Variants in MUC4 observed in about 807,000 individuals in gnomAD.
MUC4 encodes the protein mucin 4, cell surface associated, also known as mucin-4.
A neutral mutation model predicts 257.9 loss-of-function variants in MUC4; 202 were observed. The observed-to-expected ratio is 0.78, with a 90% CI of 0.70 to 0.88. The LOEUF (loss-of-function observed/expected upper bound fraction) is 0.88, where lower values mean the gene tolerates loss of function less well. MUC4 is among the 40% of genes least tolerant of loss of function. The probability of loss-of-function intolerance (pLI) is 0.00; values close to 1 mark genes in which losing one functional copy is unlikely to be tolerated. For synonymous variants in MUC4, 2,351 were observed against 2,757.1 expected, an observed-to-expected ratio of 0.85 and a Z score of 4.62; for missense variants, 5,976 against 6,513.7, an observed-to-expected ratio of 0.92 and a Z score of 2.84.
intron 16 of MUC4, among the ~76,000 whole-genome samples, chr3:195,760,441 C>T (rs112192190): frequency 0.019 from 2,137 of 111,632 alleles, 96 homozygotes; most frequent in African/African-American, 0.065. Flanking sequence ...GAGGAGCCTG[C>T]GGGGCTGGAG....
At chr3:195,794,053 G>A (rs895591942) in intron 1 of MUC4, among the ~76,000 whole-genome samples, 4 of 150,402 alleles carry the variant, frequency 2.7e-5, no homozygotes, top group African/African-American at 9.8e-5. Flanking sequence ...GACCAGCCTG[G>A]GCAAGATAGC....
rs1209298127 is a variant in MUC4 at position 195,782,184 on chromosome 3, A to C, written c.9396T>G (p.Gly3132=). The change falls in exon 2 of 25, where the codon GGT becomes GGG. Residue 3132 remains glycine, a synonymous_variant. Coordinates refer to ENST00000463781, the MANE Select transcript of MUC4 (RefSeq NM_018406.7). ...TGGTGACAGGAAGAGCGGTGGCCTGACCTGTGGATGCTGAGGAAGTGTCGG... is the reference window on the plus strand; with the variant it reads ...TGGTGACAGGAAGAGCGGTGGCCTGCCCTGTGGATGCTGAGGAAGTGTCGG... The part of the protein sequence containing the change: ...PVTDTSSAST[G]QATALPVTST... 7.2e-7 allele frequency: 1 copy of C among 1,383,024 alleles called. No individual in the cohort carries two copies. The highest frequency in any genetic ancestry group is 1.5e-5 in the African/African-American group (1 of 66,486). The allele number at this position is 1,383,024 out of a possible 1,614,324, so 85.7% of individuals were successfully genotyped here. A position where few individuals can be genotyped will look rare whatever the true frequency, so the allele number is the denominator to read the frequency against.
intron 19 of MUC4, chr3:195,753,961 T>C: frequency 2.5e-6 from 1 of 393,910 alleles, no homozygotes; most frequent in Non-Finnish European, 4.4e-6. Flanking sequence ...CCCCGTCCCC[T>C]CCCCTATGCC....
chr3:195,759,329 T>G (rs1718307048), intron 16 of MUC4, 68 bp from the exon 17 acceptor site: 1 of 1,575,256 alleles, frequency 6.3e-7, no homozygotes, highest in Non-Finnish European at 8.7e-7. Flanking sequence ...CCTCCTCTCT[T>G]TCTCAACTCT....
chr3:195,747,057 G>C lies in MUC4; in HGVS notation c.*119C>G. On this transcript the variant is annotated 3_prime_UTR_variant, in exon 25 of 25. Coordinates refer to ENST00000463781, the MANE Select transcript of MUC4 (RefSeq NM_018406.7). ...TTGATTCCCAGTATTCATTCTCCTT[G>C]AAGAATCCTGACAGCCTTCAGTCAC... The C allele has an allele frequency of 5.2e-6, 7 of 1,349,560 alleles. No homozygotes were observed. Among genetic ancestry groups the C allele is most frequent in the Non-Finnish European group, 6.3e-6 (6 of 959,258 alleles). The allele number at this position is 1,349,560 out of a possible 1,614,324, so 83.6% of individuals were successfully genotyped here. A position where few individuals can be genotyped will look rare whatever the true frequency, so the allele number is the denominator to read the frequency against.
At chr3:195,778,494 G>C (rs1285844735) in intron 2 of MUC4, 39 bp from the exon 3 acceptor site, 3 of 1,602,768 alleles carry the variant, frequency 1.9e-6, no homozygotes, top group Non-Finnish European at 8.5e-7. Flanking sequence ...GTTTCTTACA[G>C]TAACAAAACA....
intron 7 of MUC4, 61 bp downstream of exon 7, chr3:195,768,961 A>G: frequency 6.4e-7 from 1 of 1,567,342 alleles, no homozygotes; most frequent in Admixed American, 1.7e-5. Context: ...GTGTGCAGCG[A>G]AAGCCGACTC....
At chr3:195,793,097 C>T (rs1021480232) in intron 1 of MUC4, among the ~76,000 whole-genome samples, 1 of 150,658 alleles carries the variant, frequency 6.6e-6, no homozygotes, top group Non-Finnish European at 1.5e-5. Flanking sequence ...CAAACCTGCA[C>T]GTTCTGCACA....
At chr3:195,792,630 G>A (rs1260681664) in intron 1 of MUC4, among the ~76,000 whole-genome samples, 3 of 152,070 alleles carry the variant, frequency 2.0e-5, no homozygotes, top group Admixed American at 6.5e-5. Context: ...CCCATTACTG[G>A]GTATATGCCC....
At position 195,762,158 on chromosome 3, in the gene MUC4, G is replaced by A. The variant is rs751374720; in HGVS notation, c.14441C>T (p.Ala4814Val). 5 of 1,607,870 alleles carry A rather than the reference G, an allele frequency of 3.1e-6. No homozygotes were observed. In the East Asian group the frequency reaches 6.7e-5, roughly 22 times the overall value. The stretch of plus-strand genomic sequence containing the variant: ...GGAGGCGTGGAGGATGTTGGAGAGC[G>A]CGATCACCGAGACGGTGGCCCAGCC... ...FDGWATVSVI[A>V]LSNILHASAS... Residue 4814 changes from alanine (A) to valine (V), a missense_variant, in exon 14 of 25, where the codon GCG (alanine) becomes GTG (valine). By Grantham distance (64) the Ala-to-Val change is moderately conservative (BLOSUM62 0). Coordinates refer to ENST00000463781, the MANE Select transcript of MUC4 (RefSeq NM_018406.7).
At position 195,762,871 on chromosome 3, in the gene MUC4, G is replaced by A. The variant is rs1400630945; in HGVS notation, c.14328C>T (p.Asp4776=). Residue 4776 remains aspartate (D), a synonymous_variant, in exon 13 of 25, where the codon GAC becomes GAT. Coordinates refer to ENST00000463781, the MANE Select transcript of MUC4 (RefSeq NM_018406.7). The part of the protein sequence containing the change: ...LDNQTVTFQP[D]HEDGGGQETF... ...CCAACCTACCTCCGCCGTCTTCATG[G>A]TCAGGCTGAAATGTCACAGTCTGGT... 1.3e-6 allele frequency: 2 copies of A among 1,567,196 alleles called. No individual in the cohort carries two copies. The highest frequency in any genetic ancestry group is 2.4e-5 in the East Asian group (1 of 41,724).
At chr3:195,798,890 T>C (rs1734923533) in intron 1 of MUC4, among the ~76,000 whole-genome samples, 1 of 152,070 alleles carries the variant, frequency 6.6e-6, no homozygotes, top group African/African-American at 2.4e-5. Flanking sequence ...CTTCCCCCTT[T>C]TGGAGTCCTA....
chr3:195,776,143 A>G (rs111965064), intron 3 of MUC4, among the ~76,000 whole-genome samples: 364 of 5,884 alleles, frequency 0.062, 84 homozygotes, highest in African/African-American at 0.21. Flanking sequence ...TACCTTCCAC[A>G]GCCATACCTT....
chr3:195,794,394 G>GA lies in MUC4; in HGVS notation c.83-2898dup, dbSNP rs962387537. Among the ~76,000 whole-genome samples the GA allele has an allele frequency of 9.4e-5, 14 of 148,220 alleles. No individual in the cohort carries two copies. The East Asian group carries it at 2.3e-3, about 25-fold the overall frequency. ...TATATAGAGAGAGAGAGAGAGAGAA[G>GA]AAAGAGAGAGAGAGAGAAAGAAAGA... On this transcript the variant is annotated intron_variant, in intron 1 of 24. Coordinates refer to ENST00000463781, the MANE Select transcript of MUC4 (RefSeq NM_018406.7).
intron 1 of MUC4, among the ~76,000 whole-genome samples, chr3:195,795,844 G>T (rs1207180676): frequency 2.2e-5 from 2 of 92,186 alleles, no homozygotes; most frequent in African/African-American, 8.4e-5. Context: ...AGAAAGTGGG[G>T]GAGGGGGGTG....
At chr3:195,771,938 C>G in intron 4 of MUC4, 122 bp from the exon 5 acceptor site, 1 of 1,077,614 alleles carries the variant, frequency 9.3e-7, no homozygotes, top group Non-Finnish European at 1.3e-6. Context: ...GCTAACAACC[C>G]CTGGAAGTCA....
intron 5 of MUC4, chr3:195,771,025 G>T (rs1722720370): frequency 2.8e-6 from 1 of 351,098 alleles, no homozygotes; most frequent in South Asian, 2.1e-5. Flanking sequence ...GGTTGGGTTG[G>T]GGTATTCCTG....
At chr3:195,767,932 CGCCACT>C (rs1349636314) in intron 7 of MUC4, among the ~76,000 whole-genome samples, 2 of 125,762 alleles carry the variant, frequency 1.6e-5, no homozygotes, top group African/African-American at 6.1e-5. Flanking sequence ...CCACCTCCAC[CGCCACT>C]ACCACCACCA....
intron 3 of MUC4, among the ~76,000 whole-genome samples, chr3:195,775,874 C>G (rs1230162046): frequency 1.1e-4 from 10 of 89,654 alleles, no homozygotes; most frequent in African/African-American, 1.4e-4. Context: ...ACCTTCCACA[C>G]CCATACCTTC....
Sources: allele counts gnomAD v4.1 joint callset (sites outside exome capture counted in the v4.1 genomes callset), GRCh38; gene constraint gnomAD v4.1.1; transcripts MANE v1.5; gene names NCBI Gene and HGNC (gene_info 2026-07-23, HGNC 2026-07-21).